CNBD1: variants seen among roughly 807,000 people sequenced by gnomAD.
CNBD1 encodes cyclic nucleotide-binding domain-containing protein 1.
CNBD1 carries 71 observed loss-of-function variants against 54.4 expected under a neutral mutation model. The ratio of observed to expected loss-of-function variants is 1.30; its 90% confidence interval spans 1.08 to 1.59. The LOEUF (loss-of-function observed/expected upper bound fraction) is 1.59, where lower values mean the gene tolerates loss of function less well. Among genes scored for constraint, CNBD1 ranks in the 40% most tolerant of loss-of-function variants. CNBD1 has a pLI of 0.00. For synonymous variants in CNBD1, 182 were observed against 170.7 expected (o/e 1.07, Z -0.51); for missense variants, 659 against 518.0 (o/e 1.27, Z -2.64).
At chr8:87,290,194 A>G (rs1055663784) in intron 8 of CNBD1, among the ~76,000 whole-genome samples, 1 of 152,096 alleles carries the variant, frequency 6.6e-6, no homozygotes, top group East Asian at 1.9e-4. Flanking sequence ...TACATATGTT[A>G]CAAATTTAAC....
chr8:87,167,567 C>A (rs1812990904), intron 4 of CNBD1, among the ~76,000 whole-genome samples: 1 of 151,548 alleles, frequency 6.6e-6, no homozygotes, highest in African/African-American at 2.4e-5. Flanking sequence ...CATTTTTTTT[C>A]AGTGGGTTTA....
chr8:87,195,826 G>A (rs1177223243), intron 4 of CNBD1, among the ~76,000 whole-genome samples: 1 of 151,976 alleles, frequency 6.6e-6, no homozygotes, highest in African/African-American at 2.4e-5. Context: ...GCCTGCTTTG[G>A]CCTCCCAAAG....
chr8:87,103,551 GAAGC>G (rs1355747037), intron 4 of CNBD1, among the ~76,000 whole-genome samples: 2 of 152,168 alleles, frequency 1.3e-5, no homozygotes, highest in Non-Finnish European at 2.9e-5. Flanking sequence ...GGCAGAAGGG[GAAGC>G]AAATATGTCC....
At chr8:87,343,493 TC>T (rs1810109695) in intron 8 of CNBD1, among the ~76,000 whole-genome samples, 1 of 152,208 alleles carries the variant, frequency 6.6e-6, no homozygotes, top group African/African-American at 2.4e-5. Flanking sequence ...AGCCGGTCCC[TC>T]CATTCGGGGT....
intron 4 of CNBD1, among the ~76,000 whole-genome samples, chr8:87,027,829 A>G (rs570419674): frequency 1.6e-4 from 24 of 152,382 alleles, no homozygotes; most frequent in Non-Finnish European, 3.2e-4. Flanking sequence ...CCATTACTGT[A>G]TCAAACATAA....
At chr8:87,303,828 G>T (rs184477401) in intron 8 of CNBD1, among the ~76,000 whole-genome samples, 463 of 151,902 alleles carry the variant, frequency 3.0e-3, no homozygotes, top group African/African-American at 0.01. Flanking sequence ...GTGGGCGAAG[G>T]ATATGAACAG....
At chr8:87,387,119 A>C (rs28767009), downstream of CNBD1, among the ~76,000 whole-genome samples, 1,669 of 152,316 alleles carry the variant, frequency 0.011, 41 homozygotes, top group African/African-American at 0.038. Flanking sequence ...CTAACATGGA[A>C]AGGAACAACC....
intron 10 of CNBD1, among the ~76,000 whole-genome samples, chr8:87,377,550 C>T (rs1481123715): frequency 6.6e-6 from 1 of 151,884 alleles, no homozygotes; most frequent in Non-Finnish European, 1.5e-5. Context: ...TCCAGTCTAT[C>T]ATTGTTGGAC....
intron 4 of CNBD1, among the ~76,000 whole-genome samples, chr8:87,106,339 G>T (rs773364133): frequency 1.3e-5 from 2 of 151,870 alleles, no homozygotes; most frequent in Non-Finnish European, 2.9e-5. Flanking sequence ...TCAGCCACCG[G>T]AATAGCTGGT....
At chr8:87,278,236 G>A (rs1360336348) in intron 6 of CNBD1, among the ~76,000 whole-genome samples, 1 of 151,472 alleles carries the variant, frequency 6.6e-6, no homozygotes, top group Non-Finnish European at 1.5e-5. Flanking sequence ...CCAACACAAG[G>A]ATAAATAAGA....
chr8:87,211,417 G>C (rs994524849), intron 5 of CNBD1, among the ~76,000 whole-genome samples: 1 of 152,008 alleles, frequency 6.6e-6, no homozygotes, highest in African/African-American at 2.4e-5. Flanking sequence ...TATGAGATTT[G>C]GGGGCCAGGG....
intron 2 of CNBD1, among the ~76,000 whole-genome samples, chr8:87,389,038 C>G (rs1464010116): frequency 1.3e-5 from 2 of 152,136 alleles, no homozygotes; most frequent in Non-Finnish European, 2.9e-5. Context: ...AGGCCTTTGA[C>G]AGAACTCAAG....
intron 4 of CNBD1, among the ~76,000 whole-genome samples, chr8:87,175,228 C>G (rs1813172954): frequency 6.6e-6 from 1 of 152,194 alleles, no homozygotes; most frequent in Admixed American, 6.5e-5. Context: ...CCTTGGTGCT[C>G]TGTCTCACTG....
intron 10 of CNBD1, among the ~76,000 whole-genome samples, chr8:87,358,801 A>C (rs1810471821): frequency 1.3e-5 from 2 of 152,154 alleles, no homozygotes; most frequent in South Asian, 4.1e-4. Flanking sequence ...GACAGGAGGC[A>C]GTTGTATTAA....
chr8:87,001,506 G>A (rs889512612), intron 4 of CNBD1, among the ~76,000 whole-genome samples: 5 of 152,108 alleles, frequency 3.3e-5, no homozygotes, highest in African/African-American at 1.2e-4. Context: ...TGGAGCCTAT[G>A]TGACTTTTTG....
At chr8:87,065,588 A>C (rs1459692043) in intron 4 of CNBD1, among the ~76,000 whole-genome samples, 1 of 151,998 alleles carries the variant, frequency 6.6e-6, no homozygotes, top group East Asian at 1.9e-4. Flanking sequence ...GCACACTCTT[A>C]GCAGGCATGA....
chr8:86,968,360 G>C (rs1808138578), intron 4 of CNBD1, among the ~76,000 whole-genome samples: 4 of 152,114 alleles, frequency 2.6e-5, no homozygotes, highest in Admixed American at 2.6e-4. Flanking sequence ...CCCCACCCTT[G>C]CTCAAGCATG....
intron 5 of CNBD1, among the ~76,000 whole-genome samples, chr8:87,221,175 A>AG (rs1814328473): frequency 6.6e-6 from 1 of 152,114 alleles, no homozygotes; most frequent in Non-Finnish European, 1.5e-5. Context: ...TAAGTTGTCT[A>AG]TGAGATGCTT....
chr8:87,086,338 GA>G (rs1455187429), intron 4 of CNBD1, among the ~76,000 whole-genome samples: 6 of 152,194 alleles, frequency 3.9e-5, no homozygotes, highest in Non-Finnish European at 8.8e-5. Context: ...TATCAGACAA[GA>G]TTTTTGCTGA....
Sources: allele counts gnomAD v4.1 joint callset (sites outside exome capture counted in the v4.1 genomes callset), GRCh38; gene constraint gnomAD v4.1.1; transcripts MANE v1.5; gene names NCBI Gene and HGNC (gene_info 2026-07-23, HGNC 2026-07-21).